CISD2: variants seen among roughly 807,000 people sequenced by gnomAD.
CISD2 encodes CDGSH iron-sulfur domain-containing protein 2.
A neutral mutation model predicts 12.9 loss-of-function variants in CISD2; 1 was observed. That is an observed-to-expected ratio of 0.08 (90% CI 0.03 to 0.37). The LOEUF (loss-of-function observed/expected upper bound fraction) is 0.37. CISD2 is among the 10% of genes least tolerant of loss of function. The pLI is 0.99. For synonymous variants in CISD2, 50 were observed against 60.6 expected (o/e 0.83, Z 0.81); for missense variants, 97 against 163.1 (o/e 0.59, Z 2.21).
At chr4:102,887,251 T>C (rs1733974797) in intron 2 of CISD2, 90 bp from the exon 3 acceptor site, 2 of 765,070 alleles carry the variant, frequency 2.6e-6, no homozygotes, top group Admixed American at 2.1e-5. Flanking sequence ...TAGCAAGTGA[T>C]ATGCTTTCTT....
chr4:102,886,320 C>T (rs1184455613), intron 2 of CISD2, among the ~76,000 whole-genome samples: 1 of 151,920 alleles, frequency 6.6e-6, no homozygotes, highest in Non-Finnish European at 1.5e-5. Context: ...AACCCCGTCT[C>T]TACTAAAAAA....
At position 102,881,399 on chromosome 4, in the gene CISD2, G is replaced by A. The variant is rs1198788963; in HGVS notation, c.104-3817G>A. On this transcript the variant is annotated intron_variant, in intron 1 of 2. Coordinates refer to ENST00000273986, the MANE Select transcript of CISD2 (RefSeq NM_001008388.5). ...GTGACTATTGTTATCAGTAATTTTA[G>A]TGTATATTTCAAAATAGGAGAGAAA... Among the ~76,000 whole-genome samples, 3 of 152,196 alleles carry A rather than the reference G, an allele frequency of 2.0e-5. No individual in the cohort carries two copies. The East Asian group carries it at 5.8e-4, about 29-fold the overall frequency.
At position 102,880,861 on chromosome 4, in the gene CISD2, G is replaced by T. The variant is rs183741135; in HGVS notation, c.104-4355G>T. Among the ~76,000 whole-genome samples the T allele has an allele frequency of 5.3e-3, 799 of 151,840 alleles. 9 individuals are homozygous for T. Among genetic ancestry groups the T allele is most frequent in the African/African-American group, 0.018 (758 of 41,404 alleles). On this transcript the variant is annotated intron_variant, in intron 1 of 2. Transcript: ENST00000273986. ...ACAAAAATTAGCTGGGTGTGGTGGC[G>T]TGCGCCTATAATCCCAGCTACTCGG...
Position 102,869,190 on chromosome 4 carries a change from A to C in CISD2, c.103+3A>C. ...TACCGGGTTCGCTAGGCTCACAGGT[A>C]ATCCTCCCCCATCAGCCAGTCCCCA... On this transcript the variant is annotated splice_donor_region_variant and intron_variant, in intron 1 of 2. Transcript: ENST00000273986. The C allele has an allele frequency of 6.2e-7, 1 of 1,602,398 alleles. No individual in the cohort carries two copies. The highest frequency in any genetic ancestry group is 8.5e-7 in the Non-Finnish European group (1 of 1,174,658).
At chr4:102,869,976 G>C in intron 1 of CISD2, among the ~76,000 whole-genome samples, 1 of 152,320 alleles carries the variant, frequency 6.6e-6, no homozygotes, top group East Asian at 1.9e-4. Flanking sequence ...CAACACTTGG[G>C]AGATTGTGTT....
chr4:102,881,157 T>C (rs223319), intron 1 of CISD2, among the ~76,000 whole-genome samples: 82,750 of 151,850 alleles, frequency 0.54, 23,139 homozygotes, highest in African/African-American at 0.68. Context: ...TTCTGTATTT[T>C]ATCTTTCTTC....
chr4:102,892,185 A>C lies in CISD2; in HGVS notation c.*4755A>C, dbSNP rs1734279404. On this transcript the variant is annotated 3_prime_UTR_variant, in exon 3 of 3. Coordinates refer to ENST00000273986, the MANE Select transcript of CISD2 (RefSeq NM_001008388.5). ...GCGATCCTCCCACCTCAGCCTCCCA[A>C]GTAGCTGAGACTACAGTCATGCTTC... The C allele has an allele frequency of 6.6e-6, 1 of 152,166 alleles. No individual in the cohort carries two copies. Among genetic ancestry groups the C allele is most frequent in the Admixed American group, 6.6e-5 (1 of 15,262 alleles). 9.4% of individuals were successfully genotyped at this position (152,166 alleles called of 1,614,324 possible).
chr4:102,880,308 TTTCCAACTG>T (rs1423782542), intron 1 of CISD2, among the ~76,000 whole-genome samples: 1 of 152,172 alleles, frequency 6.6e-6, no homozygotes, highest in African/African-American at 2.4e-5. Context: ...AAAATTTATG[TTTCCAACTG>T]ATATTAAGGA....
Position 102,885,310 on chromosome 4 carries a change from G to A in CISD2, c.198G>A (p.Gln66=). The A allele has an allele frequency of 6.2e-7, 1 of 1,614,104 alleles. No homozygotes were observed. Among genetic ancestry groups the A allele is most frequent in the Non-Finnish European group, 8.5e-7 (1 of 1,179,964 alleles). ...VRPFLPKKKQ[Q]KDSLINLKIQ... ...CATTCCTCCCGAAGAAGAAACAACA[G>A]AAGGATAGCTTGATTAATCTTAAAA... Residue 66 remains glutamine, a synonymous_variant, in exon 2 of 3, where the codon CAG becomes CAA. Coordinates refer to ENST00000273986, the MANE Select transcript of CISD2 (RefSeq NM_001008388.5).
At chr4:102,880,986 G>A (rs1733706308) in intron 1 of CISD2, among the ~76,000 whole-genome samples, 1 of 144,032 alleles carries the variant, frequency 6.9e-6, no homozygotes, top group African/African-American at 2.6e-5. Context: ...GCGAGACGCT[G>A]TCTCAAAAAA....
intron 1 of CISD2, among the ~76,000 whole-genome samples, chr4:102,880,410 T>C (rs555487413): frequency 6.6e-6 from 1 of 152,234 alleles, no homozygotes; most frequent in Non-Finnish European, 1.5e-5. Flanking sequence ...TTACAGCCTA[T>C]GTATTTACAT....
At position 102,882,053 on chromosome 4, in the gene CISD2, G is replaced by A. The variant is rs1262842303; in HGVS notation, c.104-3163G>A. ...CTAAAAATACAAAAATTAGCCAGAC[G>A]TTGTGGTGTGCTCCTGCAGTTTTAG... On this transcript the variant is annotated intron_variant, in intron 1 of 2. Transcript: ENST00000273986. Among the ~76,000 whole-genome samples the A allele has an allele frequency of 2.6e-5, 4 of 152,154 alleles. No homozygotes were observed. In the South Asian group the frequency reaches 6.2e-4, roughly 24 times the overall value.
chr4:102,892,667 C>T lies in CISD2; in HGVS notation c.*5237C>T, dbSNP rs1170976208. 1.3e-5 allele frequency: 2 copies of T among 152,076 alleles called. No homozygotes were observed. Among genetic ancestry groups the T allele is most frequent in the Non-Finnish European group, 2.9e-5 (2 of 68,022 alleles). The allele number at this position is 152,076 out of a possible 1,614,324, so 9.4% of individuals were successfully genotyped here. A position where few individuals can be genotyped will look rare whatever the true frequency, so the allele number is the denominator to read the frequency against. ...GAACACTGTTGTCAGATAGATCAGC[C>T]ATAATGTTAACACATTTCTGATCTC... On this transcript the variant is annotated 3_prime_UTR_variant, in exon 3 of 3. Transcript: ENST00000273986.
chr4:102,885,119 AAAAGTAAC>A, intron 1 of CISD2, 89 bp from the exon 2 acceptor site: 1 of 1,013,798 alleles, frequency 9.9e-7, no homozygotes, highest in Middle Eastern at 2.0e-4. Flanking sequence ...AATTAATGTA[AAAAGTAAC>A]AAAGAATAAG....
chr4:102,875,600 T>G (rs1230696416), intron 1 of CISD2, among the ~76,000 whole-genome samples: 1 of 152,222 alleles, frequency 6.6e-6, no homozygotes, highest in Non-Finnish European at 1.5e-5. Flanking sequence ...GTACAGACCT[T>G]GTAGGAATTA....
In CISD2 at chr4:102,887,672, A is replaced by G. The variant is rs1365329836; in HGVS notation, c.*242A>G. 1 of 329,878 alleles carries G rather than the reference A, an allele frequency of 3.0e-6. No homozygotes were observed. Among genetic ancestry groups the G allele is most frequent in the Non-Finnish European group, 5.6e-6 (1 of 179,224 alleles). The allele number at this position is 329,878 out of a possible 1,614,324, so 20.4% of individuals were successfully genotyped here. ...AAATCACTTCTGATTTTAATCTAGG[A>G]AAACCTAAATTGTGGCTATGGATCC... On this transcript the variant is annotated 3_prime_UTR_variant, in exon 3 of 3. Coordinates refer to ENST00000273986, the MANE Select transcript of CISD2 (RefSeq NM_001008388.5).
chr4:102,887,236 T>G (rs1250363628), intron 2 of CISD2, 105 bp from the exon 3 acceptor site: 6 of 708,636 alleles, frequency 8.5e-6, no homozygotes, highest in Admixed American at 2.2e-5. Context: ...CGATCTGATT[T>G]TTTTTAGCAA....
At chr4:102,882,948 A>G (rs1399259386) in intron 1 of CISD2, 1 of 152,170 alleles carries the variant, frequency 6.6e-6, no homozygotes, top group African/African-American at 2.4e-5. Context: ...GGGTTTCGCC[A>G]TGTTGGCCAG....
At chr4:102,869,780 C>G (rs949937762) in intron 1 of CISD2, among the ~76,000 whole-genome samples, 3 of 152,068 alleles carry the variant, frequency 2.0e-5, no homozygotes, top group African/African-American at 7.2e-5. Flanking sequence ...GGGCCCGCTG[C>G]GGTAACTTAA....
Sources: gnomAD v4.1 joint callset for allele counts (sites outside exome capture counted in the v4.1 genomes callset) on GRCh38, gnomAD v4.1.1 for gene constraint, MANE v1.5 for transcripts, NCBI Gene and HGNC (gene_info 2026-07-23, HGNC 2026-07-21) for gene names.